Variants in ZNF385D observed in about 807,000 individuals in gnomAD.
ZNF385D encodes the protein zinc finger protein 659.
A neutral mutation model predicts 35.8 loss-of-function variants in ZNF385D; 15 were observed. That is an observed-to-expected ratio of 0.42 (90% CI 0.28 to 0.64). The LOEUF (loss-of-function observed/expected upper bound fraction) is 0.64, where lower values mean the gene tolerates loss of function less well. Among genes scored for constraint, ZNF385D ranks in the 30% least tolerant of loss-of-function variants. The pLI, the probability that ZNF385D is intolerant of heterozygous loss-of-function variation, is 0.23. For missense variants in ZNF385D, 474 were observed against 494.6 expected, an observed-to-expected ratio of 0.96 and a Z score of 0.39; for synonymous variants, 212 against 186.8, an observed-to-expected ratio of 1.13 and a Z score of -1.10.
chr3:21,633,541 A>T (rs1472805717), intron 2 of ZNF385D, among the ~76,000 whole-genome samples: 1 of 152,112 alleles, frequency 6.6e-6, no homozygotes, highest in African/African-American at 2.4e-5. Flanking sequence ...TCAAGAGATT[A>T]TTACTACAGC....
Position 21,963,402 on chromosome 3 carries a change from T to G in ZNF385D, c.325+205415A>C, listed in dbSNP as rs143837605. ...AGAACCGCAGTAGCGTGCAGAAATG[T>G]AGTTAAGGATAGGGAGGGGAAAGAG... On this transcript the variant is annotated intron_variant, in intron 3 of 5. Coordinates refer to the ZNF385D transcript ENST00000494108. Among the ~76,000 whole-genome samples the G allele has an allele frequency of 8.5e-3, 1,300 of 152,312 alleles. 9 individuals are homozygous for G. The highest frequency in any genetic ancestry group is 0.015 in the Non-Finnish European group (1,041 of 68,018).
At chr3:21,499,300 T>C (rs899994866) in intron 4 of ZNF385D, among the ~76,000 whole-genome samples, 6 of 152,212 alleles carry the variant, frequency 3.9e-5, no homozygotes, top group African/African-American at 1.4e-4. Flanking sequence ...ATGTAAACAT[T>C]AAAAAAGAAC....
At chr3:22,129,704 C>T (rs1171883915) in intron 3 of ZNF385D, among the ~76,000 whole-genome samples, 1 of 150,284 alleles carries the variant, frequency 6.7e-6, no homozygotes, top group Non-Finnish European at 1.5e-5. Context: ...TTCCAGGACT[C>T]AGTCTGTTTT....
intron 2 of ZNF385D, among the ~76,000 whole-genome samples, chr3:22,242,542 G>C (rs1011606234): frequency 6.6e-6 from 1 of 150,630 alleles, no homozygotes; most frequent in African/African-American, 2.5e-5. Flanking sequence ...TCAAAACAAC[G>C]GATAGTTTAC....
At chr3:21,496,441 T>C (rs945843591) in intron 4 of ZNF385D, among the ~76,000 whole-genome samples, 9 of 132,148 alleles carry the variant, frequency 6.8e-5, no homozygotes, top group African/African-American at 2.0e-4. Context: ...TACATATATA[T>C]ACACACATAT....
intron 3 of ZNF385D, among the ~76,000 whole-genome samples, chr3:21,958,017 G>A (rs902514481): frequency 1.3e-5 from 2 of 152,066 alleles, no homozygotes; most frequent in Admixed American, 6.6e-5. Flanking sequence ...CAGTGTGCCC[G>A]AGTGTTGTTC....
chr3:22,288,725 C>A (rs1575045400), intron 2 of ZNF385D, among the ~76,000 whole-genome samples: 1 of 152,126 alleles, frequency 6.6e-6, no homozygotes, highest in South Asian at 2.1e-4. Flanking sequence ...TTATTTTTAG[C>A]ATCTAAAGAT....
At chr3:21,562,270 A>G (rs1299596545) in intron 3 of ZNF385D, among the ~76,000 whole-genome samples, 1 of 152,144 alleles carries the variant, frequency 6.6e-6, no homozygotes, top group Non-Finnish European at 1.5e-5. Context: ...TGTCATATCA[A>G]TTTATATTAT....
exon 3 of ZNF385D, chr3:22,168,930 T>C (rs1025048061): frequency 2.0e-5 from 20 of 985,880 alleles, no homozygotes; most frequent in Non-Finnish European, 2.4e-5. Flanking sequence ...GTTACATACA[T>C]TGCACAAAGT....
chr3:21,787,483 T>G (rs2071740905), intron 3 of ZNF385D, among the ~76,000 whole-genome samples: 2 of 151,928 alleles, frequency 1.3e-5, no homozygotes, highest in Admixed American at 6.6e-5. Flanking sequence ...GATGCTAATA[T>G]CCAGCACACC....
intron 3 of ZNF385D, among the ~76,000 whole-genome samples, chr3:22,002,508 GAACT>G (rs1451399690): frequency 1.3e-5 from 2 of 152,032 alleles, no homozygotes; most frequent in Non-Finnish European, 2.9e-5. Context: ...TGTTAAATAA[GAACT>G]AACAAAAACT....
chr3:21,790,137 T>C (rs1212368942), intron 3 of ZNF385D, among the ~76,000 whole-genome samples: 3 of 152,136 alleles, frequency 2.0e-5, no homozygotes, highest in Middle Eastern at 3.4e-3. Flanking sequence ...GGAGGACATG[T>C]ATTAAACTGC....
intron 2 of ZNF385D, among the ~76,000 whole-genome samples, chr3:22,179,260 T>C (rs1354921156): frequency 5.3e-5 from 8 of 152,330 alleles, no homozygotes; most frequent in Admixed American, 3.3e-4. Flanking sequence ...TTTTATTTCA[T>C]TGAGCAGTGG....
intron 2 of ZNF385D, among the ~76,000 whole-genome samples, chr3:22,303,020 CTTT>C (rs1229295965): frequency 2.6e-5 from 4 of 152,078 alleles, no homozygotes; most frequent in Admixed American, 6.6e-5. Context: ...GATAGTTCAT[CTTT>C]TTTGTTAATG....
At chr3:22,090,283 GCTT>G (rs1701263626) in intron 3 of ZNF385D, among the ~76,000 whole-genome samples, 1 of 152,140 alleles carries the variant, frequency 6.6e-6, no homozygotes, top group African/African-American at 2.4e-5. Context: ...GCAGTGCTGA[GCTT>G]CTTACTACTG....
chr3:22,166,632 G>C (rs1263555246), intron 3 of ZNF385D, among the ~76,000 whole-genome samples: 1 of 152,198 alleles, frequency 6.6e-6, no homozygotes, highest in African/African-American at 2.4e-5. Context: ...CTTTAATAAA[G>C]TGCTAACCTC....
At chr3:21,480,328 C>T (rs62235538) in intron 4 of ZNF385D, among the ~76,000 whole-genome samples, 11,833 of 152,112 alleles carry the variant, frequency 0.078, 682 homozygotes, top group Non-Finnish European at 0.12. Context: ...ATCTCGAACT[C>T]CTGACCTCAG....
At chr3:21,980,094 T>A (rs1234701551) in intron 3 of ZNF385D, among the ~76,000 whole-genome samples, 1 of 152,166 alleles carries the variant, frequency 6.6e-6, no homozygotes, top group Non-Finnish European at 1.5e-5. Context: ...TAGGTTAAGC[T>A]AGCTATATTG....
At chr3:21,817,494 T>C (rs181088565) in intron 3 of ZNF385D, among the ~76,000 whole-genome samples, 83 of 149,460 alleles carry the variant, frequency 5.6e-4, no homozygotes, top group African/African-American at 2.0e-3. Context: ...CAAGAAAAAA[T>C]TGAACAACAA....
Sources: gnomAD v4.1 joint callset for allele counts (sites outside exome capture counted in the v4.1 genomes callset) on GRCh38, gnomAD v4.1.1 for gene constraint, MANE v1.5 for transcripts, NCBI Gene and HGNC (gene_info 2026-07-23, HGNC 2026-07-21) for gene names.